The following CEP192 variants were observed in gnomAD, a reference collection of about 807,000 sequenced individuals.
CEP192 encodes the protein centrosomal protein of 192 kDa.
A neutral mutation model predicts 271.8 loss-of-function variants in CEP192; 151 were observed. The observed-to-expected ratio is 0.56, with a 90% confidence interval of 0.49 to 0.64. The LOEUF (loss-of-function observed/expected upper bound fraction) is 0.64, where lower values mean the gene tolerates loss of function less well. Ranked by LOEUF, CEP192 falls within the 30% of genes least tolerant of loss-of-function variation. The pLI, the probability that CEP192 is intolerant of heterozygous loss-of-function variation, is 0.00. For missense variants in CEP192, 2,910 were observed against 3,020.5 expected (o/e 0.96, Z 0.86); for synonymous variants, 995 against 1,076.5 (o/e 0.92, Z 1.48).
intron 12 of CEP192, 53 bp from the exon 13 acceptor site, chr18:13,038,317 A>G (rs1598424981): frequency 7.0e-7 from 1 of 1,419,760 alleles, no homozygotes; most frequent in Non-Finnish European, 9.7e-7. Flanking sequence ...TATTAGAACA[A>G]CAGAAAAGTG....
At chr18:13,012,062 G>A (rs1003393962) in intron 4 of CEP192, among the ~76,000 whole-genome samples, 2 of 152,204 alleles carry the variant, frequency 1.3e-5, no homozygotes, top group Non-Finnish European at 1.5e-5. Context: ...GCCACAAAAT[G>A]TATGGTTCTG....
chr18:13,110,004 G>A (rs2040136567), intron 40 of CEP192, among the ~76,000 whole-genome samples: 1 of 152,068 alleles, frequency 6.6e-6, no homozygotes, highest in Non-Finnish European at 1.5e-5. Flanking sequence ...TTTCCAAAAT[G>A]GTCTTTATGG....
intron 4 of CEP192, among the ~76,000 whole-genome samples, chr18:13,011,512 CTTTG>C (rs1568276602): frequency 9.4e-6 from 1 of 105,924 alleles, no homozygotes; most frequent in African/African-American, 5.0e-5. Flanking sequence ...CACACAGAAA[CTTTG>C]TTTTGTTTTG....
intron 36 of CEP192, among the ~76,000 whole-genome samples, chr18:13,099,257 G>T (rs1265022471): frequency 1.3e-5 from 2 of 152,024 alleles, no homozygotes; most frequent in African/African-American, 4.8e-5. Context: ...TTGCGTCATG[G>T]GTTCATGCTG....
chr18:13,049,514 C>A lies in CEP192; in HGVS notation c.2723C>A (p.Ser908Ter). ...ATTTCCACTCCATCTGATAGTTATT[C>A]ATCAGTGAGGAACCCCAGAATAACA... is the stretch of plus-strand genomic sequence containing the variant. ...TSISTPSDSY[S>*]SVRNPRITSL... is the part of the protein sequence containing the mutation. The change falls in exon 16 of 45, where the codon TCA (serine) becomes TAA (stop). Residue 908 changes from serine (S) to a stop codon, truncating the protein, a stop_gained. Transcript: ENST00000506447. LOFTEE classifies it high-confidence loss of function. 1 of 1,613,974 alleles carries A rather than the reference C, an allele frequency of 6.2e-7. No homozygotes were observed.
At position 13,030,294 on chromosome 18, in the gene CEP192, A is replaced by G. The variant is rs144880462; in HGVS notation, c.1391-171A>G. Among the ~76,000 whole-genome samples the G allele has an allele frequency of 4.6e-5, 7 of 152,328 alleles. No homozygotes were observed. In the East Asian group the frequency reaches 1.4e-3, roughly 29 times the overall value. The stretch of plus-strand genomic sequence containing the variant: ...GTAAGGCTGGCTTGCTTTCTATCAA[A>G]GAGATACTTTTCTTTTGGGGAAATG... On this transcript the variant is annotated intron_variant, in intron 10 of 44. Coordinates refer to ENST00000506447, the MANE Select transcript of CEP192 (RefSeq NM_032142.4).
chr18:13,121,920 C>T (rs1292390699), intron 44 of CEP192, among the ~76,000 whole-genome samples: 1 of 152,226 alleles, frequency 6.6e-6, no homozygotes, highest in African/African-American at 2.4e-5. Context: ...TTACCTTTTT[C>T]AGTTTCTTTG....
chr18:13,071,910 C>T (rs895047803), intron 28 of CEP192, among the ~76,000 whole-genome samples: 41 of 152,186 alleles, frequency 2.7e-4, no homozygotes, highest in African/African-American at 9.7e-4. Context: ...TCCCATCCCA[C>T]CTGATAACTA....
intron 21 of CEP192, among the ~76,000 whole-genome samples, chr18:13,063,450 C>T (rs1042653016): frequency 6.6e-6 from 1 of 152,190 alleles, no homozygotes; most frequent in African/African-American, 2.4e-5. Context: ...TTTTGATTTG[C>T]ATTTCTCTGA....
chr18:13,042,588 C>T (rs1738080400), intron 15 of CEP192, among the ~76,000 whole-genome samples: 1 of 152,192 alleles, frequency 6.6e-6, no homozygotes, highest in Admixed American at 6.5e-5. Flanking sequence ...GTGTATACCT[C>T]AGATCAAGAA....
intron 39 of CEP192, chr18:13,104,113 A>T (rs558398675): frequency 3.2e-6 from 1 of 311,990 alleles, no homozygotes; most frequent in African/African-American, 2.2e-5. Flanking sequence ...GTGGAAATAC[A>T]TGTTTGCTCC....
chr18:13,068,228 T>C lies in CEP192; in HGVS notation c.4749T>C (p.Tyr1583=), dbSNP rs753198103. Residue 1583 remains tyrosine (Y), a synonymous_variant, in exon 23 of 45, where the codon TAT becomes TAC. Coordinates refer to ENST00000506447, the MANE Select transcript of CEP192 (RefSeq NM_032142.4). ...SVVNHMMPAS[Y]DGQDPEFLMI... ...TCAACCACATGATGCCTGCTAGTTA[T>C]GATGGACAGGTGGGAGAGAACTGGC... 1.9e-6 allele frequency: 3 copies of C among 1,614,070 alleles called. No homozygotes were observed. The highest frequency in any genetic ancestry group is 2.5e-6 in the Non-Finnish European group (3 of 1,179,982).
chr18:13,067,985 T>A, intron 22 of CEP192, 29 bp downstream of exon 22: 5 of 1,602,068 alleles, frequency 3.1e-6, no homozygotes, highest in Non-Finnish European at 4.3e-6. Context: ...TAAGAAACCA[T>A]TTACAGAATG....
intron 6 of CEP192, among the ~76,000 whole-genome samples, chr18:13,016,896 T>C (rs2034678278): frequency 6.6e-6 from 1 of 152,228 alleles, no homozygotes; most frequent in African/African-American, 2.4e-5. Context: ...GAAAGTCTGC[T>C]TTCTTCTCAT....
intron 40 of CEP192, among the ~76,000 whole-genome samples, chr18:13,107,410 ACCT>A (rs2040005177): frequency 6.6e-6 from 1 of 152,184 alleles, no homozygotes. Flanking sequence ...CAAATCCACA[ACCT>A]CATACTAAAG....
intron 43 of CEP192, 24 bp from the exon 44 acceptor site, chr18:13,117,560 TA>T: frequency 1.3e-6 from 2 of 1,535,378 alleles, no homozygotes; most frequent in Non-Finnish European, 1.8e-6. Flanking sequence ...CATAACTTTA[TA>T]AAGTGTCTTC....
At position 13,049,641 on chromosome 18, in the gene CEP192, G is replaced by T. The variant is rs777492147; in HGVS notation, c.2850G>T (p.Val950=). The stretch of plus-strand genomic sequence containing the variant: ...AAATAAGCAACAGTGAGAAGCATGT[G>T]ACTTTTGAAAACCATCGCATAGTCT... ...VSEISNSEKH[V]TFENHRIVSP... Residue 950 remains valine, a synonymous_variant, in exon 16 of 45, where the codon GTG becomes GTT. Transcript: ENST00000506447. The T allele has an allele frequency of 1.2e-5, 20 of 1,612,642 alleles. No individual in the cohort carries two copies. The African/African-American group carries it at 2.7e-4, about 22-fold the overall frequency.
chr18:13,117,714 G>A, intron 44 of CEP192, 71 bp downstream of exon 44: 1 of 1,145,360 alleles, frequency 8.7e-7, no homozygotes, highest in Non-Finnish European at 1.3e-6. Flanking sequence ...GTTGGGGCTT[G>A]TGAGGTCTCC....
At chr18:13,119,461 G>C (rs1236433722) in intron 44 of CEP192, among the ~76,000 whole-genome samples, 1 of 152,092 alleles carries the variant, frequency 6.6e-6, no homozygotes, top group Non-Finnish European at 1.5e-5. Flanking sequence ...ATATTTTTTA[G>C]GCTGGGTGTG....
Sources: allele counts gnomAD v4.1 joint callset (sites outside exome capture counted in the v4.1 genomes callset), GRCh38; gene constraint gnomAD v4.1.1; transcripts MANE v1.5; gene names NCBI Gene and HGNC (gene_info 2026-07-23, HGNC 2026-07-21).